TLK1: variants seen among roughly 807,000 people sequenced by gnomAD.
TLK1 encodes the protein tousled like kinase 1.
TLK1 carries 24 observed loss-of-function variants against 105.3 expected under a neutral mutation model. The observed-to-expected ratio is 0.23, with a 90% CI of 0.17 to 0.32. The LOEUF is 0.32. Among genes scored for constraint, TLK1 ranks in the 10% least tolerant of loss-of-function variants. The pLI, the probability that TLK1 is intolerant of heterozygous loss-of-function variation, is 1.00. For missense variants in TLK1, 558 were observed against 910.5 expected (o/e 0.61, Z 4.98); for synonymous variants, 321 against 310.4 (o/e 1.03, Z -0.36).
chr2:171,125,125 G>T (rs1690814860), intron 1 of TLK1, among the ~76,000 whole-genome samples: 1 of 152,112 alleles, frequency 6.6e-6, no homozygotes, highest in Non-Finnish European at 1.5e-5. Context: ...TCAGTAAATG[G>T]CTTTCCTTGC....
intron 1 of TLK1, among the ~76,000 whole-genome samples, chr2:171,228,890 C>T (rs1374990923): frequency 6.6e-6 from 1 of 152,164 alleles, no homozygotes; most frequent in Non-Finnish European, 1.5e-5. Flanking sequence ...TCTGTCAATG[C>T]CTGCCTACTC....
intron 1 of TLK1, among the ~76,000 whole-genome samples, chr2:171,173,690 C>A (rs1460986559): frequency 6.6e-6 from 1 of 152,106 alleles, no homozygotes; most frequent in African/African-American, 2.4e-5. Context: ...CACATCTGGC[C>A]CAATGATGAC....
intron 1 of TLK1, among the ~76,000 whole-genome samples, chr2:171,130,274 T>A (rs959901440): frequency 6.6e-6 from 1 of 152,116 alleles, no homozygotes; most frequent in African/African-American, 2.4e-5. Context: ...TGGTGGCATG[T>A]GCCTGTAGTC....
intron 1 of TLK1, among the ~76,000 whole-genome samples, chr2:171,147,879 T>C (rs994088523): frequency 2.6e-5 from 4 of 152,038 alleles, no homozygotes; most frequent in Admixed American, 6.6e-5. Context: ...ATACTTTGTA[T>C]TGGTATGCAG....
intron 10 of TLK1, among the ~76,000 whole-genome samples, chr2:171,049,340 A>G (rs1260696929): frequency 6.6e-6 from 1 of 152,210 alleles, no homozygotes; most frequent in Non-Finnish European, 1.5e-5. Flanking sequence ...CTAAAGCCAC[A>G]TGTTCAGTTT....
intron 3 of TLK1, among the ~76,000 whole-genome samples, chr2:171,066,366 C>A (rs780028610): frequency 6.6e-6 from 1 of 151,990 alleles, no homozygotes; most frequent in African/African-American, 2.4e-5. Flanking sequence ...TGTTTAATAA[C>A]GTGTAATATA....
chr2:171,029,904 C>T (rs1685957596), intron 11 of TLK1, among the ~76,000 whole-genome samples: 1 of 152,144 alleles, frequency 6.6e-6, no homozygotes, highest in African/African-American at 2.4e-5. Flanking sequence ...CGCCACCATG[C>T]CTAGCTAAGT....
intron 2 of TLK1, among the ~76,000 whole-genome samples, chr2:171,093,787 TG>T: frequency 6.6e-6 from 1 of 152,210 alleles, no homozygotes; most frequent in Admixed American, 6.5e-5. Context: ...GAAGAATGTC[TG>T]TAGGGCTACA....
At position 170,991,021 on chromosome 2, in the gene TLK1, A is replaced by T. The variant is rs1559325998; in HGVS notation, c.*2759T>A. On this transcript the variant is annotated 3_prime_UTR_variant, in exon 21 of 21. Coordinates refer to ENST00000431350, the MANE Select transcript of TLK1 (RefSeq NM_012290.5). ...GTGAGTGTTTAAAAAAAAAAAAAAG[A>T]TTGAGTCTTTATTTTTGAAAAACCA... The T allele has an allele frequency of 1.3e-5, 2 of 151,426 alleles. No homozygotes were observed. Among genetic ancestry groups the T allele is most frequent in the South Asian group, 4.2e-4 (2 of 4,798 alleles). The allele number at this position is 151,426 out of a possible 1,614,324, so 9.4% of individuals were successfully genotyped here. A position where few individuals can be genotyped will look rare whatever the true frequency, so the allele number is the denominator to read the frequency against.
At chr2:170,994,024 TCAG>T in intron 20 of TLK1, 68 bp from the exon 21 acceptor site, 2 of 1,473,520 alleles carry the variant, frequency 1.4e-6, no homozygotes, top group Non-Finnish European at 1.8e-6. Flanking sequence ...ATCAACTGAA[TCAG>T]CAGAAGGATG....
At chr2:171,149,990 TAAAA>T (rs1254997686) in intron 1 of TLK1, among the ~76,000 whole-genome samples, 2 of 151,952 alleles carry the variant, frequency 1.3e-5, no homozygotes, top group African/African-American at 4.8e-5. Flanking sequence ...TAAATGAAAA[TAAAA>T]AATAGCCAGA....
chr2:171,168,100 A>G (rs1259210981), intron 1 of TLK1, among the ~76,000 whole-genome samples: 2 of 152,138 alleles, frequency 1.3e-5, no homozygotes, highest in African/African-American at 4.8e-5. Flanking sequence ...TTGTTTCTGC[A>G]GCATAAATTT....
At chr2:171,030,193 A>C (rs2555927) in intron 11 of TLK1, among the ~76,000 whole-genome samples, 1 of 152,202 alleles carries the variant, frequency 6.6e-6, no homozygotes, top group African/African-American at 2.4e-5. Context: ...ATTTAGTATA[A>C]ATGCCATTTC....
chr2:171,111,054 G>A (rs937147903), intron 2 of TLK1, among the ~76,000 whole-genome samples: 6 of 151,592 alleles, frequency 4.0e-5, no homozygotes, highest in South Asian at 2.1e-4. Context: ...AAATCACTGC[G>A]GAAAAGGGAG....
intron 1 of TLK1, among the ~76,000 whole-genome samples, chr2:171,180,071 GGTGATAGAGTGAGA>G (rs1176012171): frequency 6.7e-6 from 1 of 149,686 alleles, no homozygotes; most frequent in Non-Finnish European, 1.5e-5. Context: ...CTCCAGCCTG[GGTGATAGAGTGAGA>G]CTCTGTCTCA....
At chr2:171,101,146 G>C (rs942168300) in intron 2 of TLK1, among the ~76,000 whole-genome samples, 1 of 152,030 alleles carries the variant, frequency 6.6e-6, no homozygotes, top group Non-Finnish European at 1.5e-5. Context: ...AGGAGTTTGA[G>C]ACCAGCCTGA....
intron 16 of TLK1, 45 bp from the exon 17 acceptor site, chr2:171,006,688 G>T: frequency 6.2e-7 from 1 of 1,605,222 alleles, no homozygotes; most frequent in Non-Finnish European, 8.5e-7. Flanking sequence ...TAATATCCAA[G>T]AATTCAGAAT....
intron 18 of TLK1, among the ~76,000 whole-genome samples, chr2:170,998,318 CTT>C (rs992236823): frequency 9.0e-4 from 137 of 152,304 alleles, no homozygotes; most frequent in African/African-American, 3.1e-3. Context: ...CCTTGTATCT[CTT>C]GTTTGTAACA....
intron 1 of TLK1, among the ~76,000 whole-genome samples, chr2:171,129,354 C>G (rs1186575772): frequency 6.6e-6 from 1 of 152,156 alleles, no homozygotes; most frequent in East Asian, 1.9e-4. Flanking sequence ...CCACAGTACT[C>G]CTTCTTGGCC....
Sources: gnomAD v4.1 joint callset for allele counts (sites outside exome capture counted in the v4.1 genomes callset) on GRCh38, gnomAD v4.1.1 for gene constraint, MANE v1.5 for transcripts, NCBI Gene and HGNC (gene_info 2026-07-23, HGNC 2026-07-21) for gene names.